CDIN1: variants seen among roughly 807,000 people sequenced by gnomAD.
The protein encoded by CDIN1 is CDAN1 interacting nuclease 1.
In CDIN1, 33 loss-of-function variants were observed where a neutral mutation model predicts 45.3. The ratio of observed to expected loss-of-function variants is 0.73; its 90% CI spans 0.55 to 0.97. The LOEUF (loss-of-function observed/expected upper bound fraction) is 0.97, where lower values mean the gene tolerates loss of function less well. Ranked by LOEUF, CDIN1 falls within the 50% of genes least tolerant of loss-of-function variation. CDIN1 has a pLI of 0.00. For synonymous variants in CDIN1, 118 were observed against 124.4 expected (o/e 0.95, Z 0.34); for missense variants, 303 against 339.4 (o/e 0.89, Z 0.84).
At chr15:36,599,817 T>C (rs951133172) in intron 1 of CDIN1, among the ~76,000 whole-genome samples, 2 of 151,800 alleles carry the variant, frequency 1.3e-5, no homozygotes, top group African/African-American at 4.8e-5. Flanking sequence ...TGTTGGGGAG[T>C]CATCTGTCAG....
At chr15:36,631,986 A>G (rs778228581) in intron 1 of CDIN1, among the ~76,000 whole-genome samples, 43 of 152,048 alleles carry the variant, frequency 2.8e-4, no homozygotes, top group Non-Finnish European at 5.0e-4. Context: ...GTGCACCACC[A>G]CGCCCAGCTA....
At chr15:36,703,320 A>G (rs1265433521) in intron 8 of CDIN1, among the ~76,000 whole-genome samples, 3 of 134,438 alleles carry the variant, frequency 2.2e-5, no homozygotes, top group Non-Finnish European at 4.7e-5. Flanking sequence ...TCAGATATAT[A>G]CATATATCAG....
chr15:36,662,985 A>G (rs112038694), intron 5 of CDIN1, among the ~76,000 whole-genome samples: 116 of 151,352 alleles, frequency 7.7e-4, no homozygotes, highest in African/African-American at 2.7e-3. Flanking sequence ...GGAGCATTTC[A>G]GATTTCAGAT....
chr15:36,732,168 G>C (rs2043855415), intron 10 of CDIN1, among the ~76,000 whole-genome samples: 1 of 152,130 alleles, frequency 6.6e-6, no homozygotes, highest in Non-Finnish European at 1.5e-5. Context: ...AATTTGAGAA[G>C]TTTGGCAGGT....
At chr15:36,594,851 T>G in intron 1 of CDIN1, 1 of 983,102 alleles carries the variant, frequency 1.0e-6, no homozygotes, top group Non-Finnish European at 1.2e-6. Flanking sequence ...GAAGCTTATT[T>G]ATAGCAAGTT....
Position 36,579,817 on chromosome 15 carries a change from G to A in CDIN1, c.-44G>A, listed in dbSNP as rs759068159. 2 of 1,514,290 alleles carry A rather than the reference G, an allele frequency of 1.3e-6. No individual in the cohort carries two copies. The highest frequency in any genetic ancestry group is 2.4e-5 in the South Asian group (2 of 84,822). The allele number at this position is 1,514,290 out of a possible 1,614,324, so 93.8% of individuals were successfully genotyped here. On this transcript the variant is annotated 5_prime_UTR_variant, in exon 1 of 11. It adds an upstream start codon to the 5' untranslated region. Coordinates refer to ENST00000566621, the MANE Select transcript of CDIN1 (RefSeq NM_001321759.2). The stretch of plus-strand genomic sequence containing the variant: ...GCACCAAGGCTACTTGAGCCCCAGG[G>A]TGTTTTTTCCTTGTTCCCGCCACCT...
chr15:36,768,029 T>C (rs1053860884), intron 10 of CDIN1, among the ~76,000 whole-genome samples: 2 of 152,210 alleles, frequency 1.3e-5, no homozygotes, highest in African/African-American at 2.4e-5. Flanking sequence ...TTGCAAATAC[T>C]AGTCTGTGGT....
At chr15:36,772,647 T>C (rs2054107619) in intron 10 of CDIN1, among the ~76,000 whole-genome samples, 1 of 152,144 alleles carries the variant, frequency 6.6e-6, no homozygotes, top group African/African-American at 2.4e-5. Context: ...CCTGGAATGG[T>C]GAGGCCCTGA....
chr15:36,716,463 A>G (rs1023705550), intron 10 of CDIN1, among the ~76,000 whole-genome samples: 1 of 152,152 alleles, frequency 6.6e-6, no homozygotes, highest in Non-Finnish European at 1.5e-5. Context: ...TACAGAGTCT[A>G]TTTCTGAGGC....
rs1251744230 is a variant in CDIN1, at chr15:36,661,784, G to A, written c.346+3879G>A. ...GAGTAAGTTTCACACTAATAATGGT[G>A]ACTTTCTACTAGGAGCATTATAGAA... On this transcript the variant is annotated intron_variant, in intron 5 of 10. Transcript: ENST00000566621. Among the ~76,000 whole-genome samples the A allele has an allele frequency of 2.0e-5, 3 of 152,220 alleles. No homozygotes were observed. In the East Asian group the frequency reaches 5.8e-4, roughly 29 times the overall value.
At chr15:36,637,739 G>A (rs1482391384) in intron 1 of CDIN1, among the ~76,000 whole-genome samples, 1 of 152,174 alleles carries the variant, frequency 6.6e-6, no homozygotes, top group Non-Finnish European at 1.5e-5. Context: ...TAGAATATAA[G>A]TGATGAAAAT....
intron 10 of CDIN1, among the ~76,000 whole-genome samples, chr15:36,719,826 CT>C (rs923953374): frequency 6.6e-6 from 1 of 151,718 alleles, no homozygotes; most frequent in Non-Finnish European, 1.5e-5. Flanking sequence ...CAGGTTATGC[CT>C]TTTTTTTCTT....
chr15:36,676,005 G>A (rs1465807122), intron 5 of CDIN1, among the ~76,000 whole-genome samples: 1 of 152,020 alleles, frequency 6.6e-6, no homozygotes, highest in Non-Finnish European at 1.5e-5. Flanking sequence ...GTTGGATAAT[G>A]GGCAGAAATT....
At chr15:36,607,571 G>A (rs2038437132) in intron 1 of CDIN1, among the ~76,000 whole-genome samples, 1 of 151,906 alleles carries the variant, frequency 6.6e-6, no homozygotes, top group African/African-American at 2.4e-5. Context: ...ATCTGTGTGT[G>A]TGTCTCTTTC....
chr15:36,764,408 A>G (rs1055922355), intron 10 of CDIN1, among the ~76,000 whole-genome samples: 2 of 152,164 alleles, frequency 1.3e-5, no homozygotes, highest in Non-Finnish European at 2.9e-5. Flanking sequence ...TAGTTTGTAC[A>G]TATGCATTTG....
intron 10 of CDIN1, among the ~76,000 whole-genome samples, chr15:36,721,738 A>G (rs1007620674): frequency 4.0e-5 from 6 of 151,836 alleles, no homozygotes; most frequent in Non-Finnish European, 8.8e-5. Flanking sequence ...TCTTCTGAAT[A>G]CTTGAGGGAG....
chr15:36,711,622 A>G (rs1001837119), intron 10 of CDIN1, among the ~76,000 whole-genome samples: 2 of 152,150 alleles, frequency 1.3e-5, no homozygotes, highest in Non-Finnish European at 2.9e-5. Context: ...TACTTAGACT[A>G]CTATTGATTT....
intron 10 of CDIN1, among the ~76,000 whole-genome samples, chr15:36,800,909 G>GTGTGTGTATA (rs1156514805): frequency 5.4e-4 from 12 of 22,368 alleles, no homozygotes; most frequent in African/African-American, 9.0e-4. Flanking sequence ...GTGTGTGTGT[G>GTGTGTGTATA]TATATATATA....
At chr15:36,758,303 T>G (rs8023349) in intron 10 of CDIN1, among the ~76,000 whole-genome samples, 21,860 of 152,130 alleles carry the variant, frequency 0.14, 1,760 homozygotes, top group African/African-American at 0.21. Flanking sequence ...TAGTAGCATG[T>G]GGCTACAGTG....
Sources: gnomAD v4.1 joint callset for allele counts (sites outside exome capture counted in the v4.1 genomes callset) on GRCh38, gnomAD v4.1.1 for gene constraint, MANE v1.5 for transcripts, NCBI Gene and HGNC (gene_info 2026-07-23, HGNC 2026-07-21) for gene names.